The following CYP3A5 variants were observed in gnomAD, a reference collection of about 807,000 sequenced individuals.
CYP3A5 encodes the protein cytochrome P450 3A5.
Under a neutral mutation model 55.9 loss-of-function variants are expected in CYP3A5, and 51 were observed. That is an observed-to-expected ratio of 0.91 (90% CI 0.73 to 1.15). The LOEUF (loss-of-function observed/expected upper bound fraction) is 1.15. Ranked by LOEUF, CYP3A5 falls within the 50% of genes most tolerant of loss-of-function variation. The probability of loss-of-function intolerance (pLI) is 0.00; values close to 1 mark genes in which losing one functional copy is unlikely to be tolerated. For synonymous variants in CYP3A5, 196 were observed against 213.9 expected (o/e 0.92, Z 0.73); for missense variants, 533 against 596.6 (o/e 0.89, Z 1.11).
Position 99,662,308 on chromosome 7 carries a change from T to C in CYP3A5, c.865+508A>G, listed in dbSNP as rs1367090087. 6.6e-6 allele frequency among the ~76,000 whole-genome samples: 1 copy of C among 152,200 alleles called. No homozygotes were observed. Among genetic ancestry groups the C allele is most frequent in the Admixed American group, 6.5e-5 (1 of 15,276 alleles). ...ATCCATGGGTCATAAAACTAGTAGA[T>C]ACAAGACTGAAGATTGAAGTAGATT... is the stretch of plus-strand genomic sequence containing the variant. On this transcript the variant is annotated intron_variant, in intron 9 of 12. Transcript: ENST00000222982. This position sits in a 1 kb window ranked among gnomAD's most constrained non-coding sequence, Gnocchi z 4.3.
chr7:99,652,751 T>G lies in CYP3A5; in HGVS notation c.1055A>C (p.Gln352Pro), dbSNP rs1219950418. Residue 352 changes from glutamine (Q) to proline (P), a missense_variant, in exon 11 of 13, where the codon CAG becomes CCG. Coordinates refer to ENST00000222982, the MANE Select transcript of CYP3A5 (RefSeq NM_000777.5). ...KAPPTYDAVV[Q>P]MEYLDMVVNE... ...CACCACCATGTCAAGGTACTCCATC[T>G]GTACCACGGCATCATAGGTAGGTGG... 6.2e-7 allele frequency: 1 copy of G among 1,613,760 alleles called. No individual in the cohort carries two copies. Among genetic ancestry groups the G allele is most frequent in the East Asian group, 2.2e-5 (1 of 44,898 alleles).
intron 1 of CYP3A5, among the ~76,000 whole-genome samples, chr7:99,678,280 C>G (rs921297095): frequency 2.6e-5 from 4 of 152,302 alleles, no homozygotes; most frequent in Admixed American, 2.6e-4. Flanking sequence ...GAGTGACCTC[C>G]ACGGTGGGGC....
chr7:99,677,319 T>C, intron 1 of CYP3A5: 2 of 904,060 alleles, frequency 2.2e-6, no homozygotes, highest in Non-Finnish European at 2.6e-6. Context: ...CACAGTTGGC[T>C]CCAGAGAGGC....
At position 99,662,487 on chromosome 7, in the gene CYP3A5, G is replaced by C. The variant is rs1386529766; in HGVS notation, c.865+329C>G. ...AGTGTGCTTCCTGATCGGTATGTTT[G>C]ATATAAATTTCCAAGTAGAGGTTCT... is the stretch of plus-strand genomic sequence containing the variant. On this transcript the variant is annotated intron_variant, in intron 9 of 12. Coordinates refer to ENST00000222982, the MANE Select transcript of CYP3A5 (RefSeq NM_000777.5). The surrounding 1 kb of genome is among the most constrained non-coding windows in gnomAD (Gnocchi z 4.3). Among the ~76,000 whole-genome samples, 1 of 152,198 alleles carries C rather than the reference G, an allele frequency of 6.6e-6. No individual in the cohort carries two copies. The highest frequency in any genetic ancestry group is 1.5e-5 in the Non-Finnish European group (1 of 68,038).
At chr7:99,669,906 G>A (rs561627884) in intron 4 of CYP3A5, among the ~76,000 whole-genome samples, 2 of 152,148 alleles carry the variant, frequency 1.3e-5, no homozygotes, top group East Asian at 1.9e-4. Context: ...AATAGATGAT[G>A]CAGTTGCCAC....
At position 99,660,526 on chromosome 7, in the gene CYP3A5, C is replaced by T; in HGVS notation, c.999G>A (p.Lys333=). ...TATTGGGCAAAACTGCATCAATCTC[C>T]TTTTGCAGTTTCTGCTGGACATCAG... is the stretch of plus-strand genomic sequence containing the variant. The part of the protein sequence containing the change: ...THPDVQQKLQ[K]EIDAVLPNKA... The change falls in exon 10 of 13, where the codon AAG becomes AAA. Residue 333 remains lysine (K), a synonymous_variant. Transcript: ENST00000222982. The T allele has an allele frequency of 6.2e-7, 1 of 1,613,442 alleles. No homozygotes were observed. Among genetic ancestry groups the T allele is most frequent in the Non-Finnish European group, 8.5e-7 (1 of 1,179,730 alleles).
At chr7:99,670,747 A>G (rs1448303731) in intron 4 of CYP3A5, among the ~76,000 whole-genome samples, 1 of 152,152 alleles carries the variant, frequency 6.6e-6, no homozygotes, top group Admixed American at 6.5e-5. Context: ...GTGAGCTACT[A>G]TTTTCAAGGA....
chr7:99,666,906 G>A, intron 5 of CYP3A5, 46 bp downstream of exon 5: 8 of 1,607,092 alleles, frequency 5.0e-6, no homozygotes, highest in Non-Finnish European at 6.8e-6. Flanking sequence ...CCTGTCCCCA[G>A]ATTCATTCTT....
intron 11 of CYP3A5, 148 bp from the exon 12 acceptor site, chr7:99,650,380 C>G (rs540256575): frequency 1.4e-6 from 1 of 716,068 alleles, no homozygotes; most frequent in African/African-American, 1.8e-5. Context: ...TGAAATCCTG[C>G]TTTGGTTATT....
chr7:99,658,014 C>T (rs370186950), intron 10 of CYP3A5, among the ~76,000 whole-genome samples: 39 of 151,994 alleles, frequency 2.6e-4, no homozygotes, highest in East Asian at 1.5e-3. Flanking sequence ...TACAGCACAC[C>T]GATGGGTCTT....
At chr7:99,675,645 C>CCTCCCCACTCCTCT (rs1563003754) in intron 2 of CYP3A5, among the ~76,000 whole-genome samples, 1 of 246 alleles carries the variant, frequency 4.1e-3, no homozygotes, top group Non-Finnish European at 0.011. Context: ...TCCTCTCCTC[C>CCTCCCCACTCCTCT]CCCCTCCCCT....
rs376767818 is a variant in CYP3A5, at chr7:99,665,604, A to G, written c.522-290T>C. Among the ~76,000 whole-genome samples the G allele has an allele frequency of 3.3e-5, 5 of 152,366 alleles. No homozygotes were observed. In the South Asian group the frequency reaches 6.2e-4, roughly 19 times the overall value. On this transcript the variant is annotated intron_variant, in intron 6 of 12. Transcript: ENST00000222982. ...CAGAGACCCATTATCAGACAACTAC[A>G]GTAGCATGTGTTGAGTGTGGATGAT... is the stretch of plus-strand genomic sequence containing the variant.
At chr7:99,676,383 A>C (rs1440775121) in intron 1 of CYP3A5, 175 bp from the exon 2 acceptor site, 3 of 1,522,034 alleles carry the variant, frequency 2.0e-6, no homozygotes, top group Non-Finnish European at 2.7e-6. Flanking sequence ...TTTCCTGACT[A>C]TTCTGAGACC....
At chr7:99,663,249 T>G (rs1192611878) in intron 8 of CYP3A5, 8 of 1,051,630 alleles carry the variant, frequency 7.6e-6, no homozygotes, top group Non-Finnish European at 9.2e-6. Flanking sequence ...ACCTTTTTCT[T>G]CAGCAGTGTC....
At chr7:99,678,049 C>G (rs754197156) in intron 1 of CYP3A5, among the ~76,000 whole-genome samples, 2 of 152,244 alleles carry the variant, frequency 1.3e-5, no homozygotes, top group Non-Finnish European at 2.9e-5. Flanking sequence ...AGCCAGTCAT[C>G]TATTGCATGT....
chr7:99,676,492 G>A (rs1301190972), intron 1 of CYP3A5: 1 of 1,395,434 alleles, frequency 7.2e-7, no homozygotes, highest in East Asian at 3.8e-5. Flanking sequence ...CTCCTGAGAG[G>A]TTCAGGCAGG....
At position 99,653,605 on chromosome 7, in the gene CYP3A5, C is replaced by T. The variant is rs1198396369; in HGVS notation, c.1027-826G>A. 6.6e-6 allele frequency among the ~76,000 whole-genome samples: 1 copy of T among 152,160 alleles called. No individual in the cohort carries two copies. The highest frequency in any genetic ancestry group is 1.5e-5 in the Non-Finnish European group (1 of 68,034). The stretch of plus-strand genomic sequence containing the variant: ...GTTATGAAGAGAATAGAACCCCACA[C>T]TCAGCCCCATCCCCTCCTTTTGGAA... On this transcript the variant is annotated intron_variant, in intron 10 of 12. Coordinates refer to ENST00000222982, the MANE Select transcript of CYP3A5 (RefSeq NM_000777.5). The surrounding 1 kb of genome is among the most constrained non-coding windows in gnomAD (Gnocchi z 4.2).
chr7:99,652,677 A>G lies in CYP3A5; in HGVS notation c.1129T>C (p.Cys377Arg), dbSNP rs1384501036. 6.2e-6 allele frequency: 10 copies of G among 1,614,112 alleles called. No individual in the cohort carries two copies. Among genetic ancestry groups the G allele is most frequent in the Non-Finnish European group, 8.5e-6 (10 of 1,179,978 alleles). Residue 377 changes from cysteine to arginine, a missense_variant, in exon 11 of 13, where the codon TGC becomes CGC. Cys to Arg is a radical substitution (Grantham distance 180). Coordinates refer to ENST00000222982, the MANE Select transcript of CYP3A5 (RefSeq NM_000777.5). Reference protein sequence around the residue: ...FPVAIRLERTCKKDVEINGVF... With the variant: ...FPVAIRLERTRKKDVEINGVF... ...CCATTGATTTCAACATCTTTCTTGCAAGTCCTCTCAAGTCTAATAGCAACT... is the reference window on the plus strand; with the variant it reads ...CCATTGATTTCAACATCTTTCTTGCGAGTCCTCTCAAGTCTAATAGCAACT...
intron 8 of CYP3A5, chr7:99,663,591 T>C: frequency 1.0e-6 from 1 of 997,154 alleles, no homozygotes; most frequent in Non-Finnish European, 1.2e-6. Flanking sequence ...AATAAGAGTC[T>C]TGGACTTAAA....
Sources: gnomAD v4.1 joint callset for allele counts (sites outside exome capture counted in the v4.1 genomes callset) on GRCh38, gnomAD v4.1.1 for gene constraint, Gnocchi (gnomAD v3.1) non-coding constraint, MANE v1.5 for transcripts, NCBI Gene and HGNC (gene_info 2026-07-23, HGNC 2026-07-21) for gene names.